CHD7: variants seen among roughly 807,000 people sequenced by gnomAD.
CHD7 encodes chromodomain helicase DNA binding protein 7.
CHD7 carries 24 observed loss-of-function variants against 307.3 expected under a neutral mutation model. The observed-to-expected ratio is 0.08, with a 90% CI of 0.06 to 0.11. The LOEUF (loss-of-function observed/expected upper bound fraction) is 0.11. CHD7 is among the 10% of genes least tolerant of loss of function. The probability of loss-of-function intolerance (pLI) is 1.00; values close to 1 mark genes in which losing one functional copy is unlikely to be tolerated. For missense variants in CHD7, 3,106 were observed against 3,727.1 expected (o/e 0.83, Z 4.34); for synonymous variants, 1,363 against 1,349.9 (o/e 1.01, Z -0.21).
At chr8:60,753,052 C>T (rs1242294592) in intron 2 of CHD7, among the ~76,000 whole-genome samples, 1 of 152,176 alleles carries the variant, frequency 6.6e-6, no homozygotes, top group Non-Finnish European at 1.5e-5. Flanking sequence ...TTTTTGGCTG[C>T]TCAAATATGT....
At chr8:60,863,356 C>T (rs745610218) in intron 37 of CHD7, 5 of 152,358 alleles carry the variant, frequency 3.3e-5, no homozygotes, top group South Asian at 2.1e-4. Context: ...CAGTTTCTTT[C>T]GCTCATCATA....
intron 2 of CHD7, among the ~76,000 whole-genome samples, chr8:60,760,264 T>A (rs1279666687): frequency 6.6e-6 from 1 of 152,042 alleles, no homozygotes; most frequent in African/African-American, 2.4e-5. Flanking sequence ...ATTTAATAAA[T>A]GGTGCTGGGA....
intron 3 of CHD7, among the ~76,000 whole-genome samples, chr8:60,782,709 GT>G: frequency 6.6e-6 from 1 of 152,240 alleles, no homozygotes; most frequent in South Asian, 2.1e-4. Context: ...TTGTGAACAT[GT>G]TTTTAAACTT....
At chr8:60,717,322 ATTAG>A (rs968694847) in intron 1 of CHD7, among the ~76,000 whole-genome samples, 2 of 152,238 alleles carry the variant, frequency 1.3e-5, no homozygotes, top group African/African-American at 4.8e-5. Context: ...CACTTTGGTT[ATTAG>A]ACTTAGCAAT....
At chr8:60,828,559 G>A (rs1054437517) in intron 13 of CHD7, 104 bp from the exon 14 acceptor site, 1 of 1,036,690 alleles carries the variant, frequency 9.6e-7, no homozygotes, top group East Asian at 2.6e-5. Flanking sequence ...TTTGCATAGG[G>A]TAGATGAGTA....
intron 1 of CHD7, among the ~76,000 whole-genome samples, chr8:60,699,683 G>GCTA (rs1015053241): frequency 6.6e-6 from 1 of 151,832 alleles, no homozygotes; most frequent in African/African-American, 2.4e-5. Flanking sequence ...AATAAATAGG[G>GCTA]CAAGACCTTA....
intron 2 of CHD7, among the ~76,000 whole-genome samples, chr8:60,760,291 T>C (rs1383784062): frequency 6.6e-6 from 1 of 151,854 alleles, no homozygotes. Flanking sequence ...GCTAGCCATA[T>C]GTAGAAAGCT....
In CHD7 at chr8:60,679,093, G is replaced by A. The variant is rs1267775044; in HGVS notation, c.-175+11G>A. 1.3e-5 allele frequency: 2 copies of A among 155,720 alleles called. No individual in the cohort carries two copies. The highest frequency in any genetic ancestry group is 2.8e-5 in the Non-Finnish European group (2 of 71,848). The allele number at this position is 155,720 out of a possible 1,614,324, so 9.6% of individuals were successfully genotyped here. A position where few individuals can be genotyped will look rare whatever the true frequency, so the allele number is the denominator to read the frequency against. On this transcript the variant is annotated intron_variant, in intron 1 of 37. Transcript: ENST00000423902. ...AGCCCGACCGACCCGGTGAGCGCGA[G>A]AGTTCGCCCGGCGCCCCCGGGAGGG...
chr8:60,740,087 C>T (rs537687281), intron 1 of CHD7, among the ~76,000 whole-genome samples: 15 of 152,258 alleles, frequency 9.9e-5, no homozygotes, highest in East Asian at 1.9e-4. Flanking sequence ...AGATTGTCAA[C>T]GCATTCTTTA....
intron 1 of CHD7, among the ~76,000 whole-genome samples, chr8:60,721,608 C>T (rs1002593094): frequency 6.6e-6 from 1 of 152,228 alleles, no homozygotes; most frequent in African/African-American, 2.4e-5. Context: ...GTAAAGCAGA[C>T]TGCCAGGGCT....
intron 21 of CHD7, 43 bp from the exon 22 acceptor site, chr8:60,844,821 A>G: frequency 6.7e-7 from 1 of 1,499,576 alleles, no homozygotes; most frequent in Non-Finnish European, 9.0e-7. Flanking sequence ...GCCATAAATC[A>G]AAACTCACAG....
At chr8:60,851,925 A>G (rs930734968) in intron 28 of CHD7, 94 bp from the exon 29 acceptor site, 2 of 812,838 alleles carry the variant, frequency 2.5e-6, no homozygotes, top group African/African-American at 1.7e-5. Context: ...CCACACTGTC[A>G]TTTGAATCTT....
Position 60,828,692 on chromosome 8 carries a change from A to G in CHD7, c.3408A>G (p.Pro1136=), listed in dbSNP as rs587783438. 6.2e-7 allele frequency: 1 copy of G among 1,611,194 alleles called. No homozygotes were observed. The change falls in exon 14 of 38, where the codon CCA becomes CCG. Residue 1136 remains proline (P), a synonymous_variant. Transcript: ENST00000423902. ...ACAAAGTGCTGCTGACGGGAACCCC[A>G]CTCCAGAACACTGTGGAAGAACTCT... is the stretch of plus-strand genomic sequence containing the variant. ...LEHKVLLTGT[P]LQNTVEELFS...
chr8:60,810,024 G>T (rs530221498), intron 7 of CHD7, among the ~76,000 whole-genome samples: 3 of 152,158 alleles, frequency 2.0e-5, no homozygotes, highest in Non-Finnish European at 4.4e-5. Flanking sequence ...CGGACTTGTG[G>T]CTTCTCATTT....
chr8:60,741,918 G>A lies in CHD7; in HGVS notation c.486G>A (p.Gln162=), dbSNP rs201635864. ...ACCAGATACGAGCCCCCTACCAGCA[G>A]CAGCAGCCACAGCCGCAGCCACCGC... ...VPDQIRAPYQ[Q]QQPQPQPPQP... is the part of the protein sequence containing the mutation. The change falls in exon 2 of 38, where the codon CAG becomes CAA. Residue 162 remains glutamine, a synonymous_variant. Transcript: ENST00000423902. 6.8e-6 allele frequency: 11 copies of A among 1,612,840 alleles called. No individual in the cohort carries two copies. The highest frequency in any genetic ancestry group is 1.7e-5 in the Admixed American group (1 of 59,838).
At chr8:60,736,624 A>C (rs1434314348) in intron 1 of CHD7, among the ~76,000 whole-genome samples, 4 of 152,208 alleles carry the variant, frequency 2.6e-5, no homozygotes, top group African/African-American at 4.8e-5. Flanking sequence ...AGAGAAATTT[A>C]AATAGAACAA....
intron 1 of CHD7, among the ~76,000 whole-genome samples, chr8:60,700,188 T>C (rs1488960405): frequency 6.6e-6 from 1 of 152,214 alleles, no homozygotes. Context: ...AACCAAATTT[T>C]AGAAGATCAT....
At chr8:60,730,567 A>G (rs1808395954) in intron 1 of CHD7, among the ~76,000 whole-genome samples, 1 of 152,196 alleles carries the variant, frequency 6.6e-6, no homozygotes, top group Non-Finnish European at 1.5e-5. Context: ...TGGTATAGAA[A>G]TATTAAATGG....
intron 2 of CHD7, among the ~76,000 whole-genome samples, chr8:60,745,444 C>T (rs1809275457): frequency 6.6e-6 from 1 of 152,156 alleles, no homozygotes; most frequent in African/African-American, 2.4e-5. Flanking sequence ...CGTTTGAATC[C>T]TTGACCAGTG....
Sources: gnomAD v4.1 joint callset for allele counts (sites outside exome capture counted in the v4.1 genomes callset) on GRCh38, gnomAD v4.1.1 for gene constraint, MANE v1.5 for transcripts, NCBI Gene and HGNC (gene_info 2026-07-23, HGNC 2026-07-21) for gene names.